LRRC53: variants seen among roughly 807,000 people sequenced by gnomAD.
LRRC53 encodes the protein leucine-rich repeat-containing protein 53.
A neutral mutation model predicts 13.6 loss-of-function variants in LRRC53; 25 were observed. The ratio of observed to expected loss-of-function variants is 1.83; its 90% CI spans 1.34 to 2.56. The LOEUF (loss-of-function observed/expected upper bound fraction) is 2.56. LRRC53 is among the 30% of genes most tolerant of loss of function. LRRC53 has a pLI of 0.00. For missense variants in LRRC53, 527 were observed against 275.8 expected (o/e 1.91, Z -6.45); for synonymous variants, 204 against 109.8 (o/e 1.86, Z -5.37).
chr1:74,487,958 G>C (rs1047068938), intron 1 of LRRC53, among the ~76,000 whole-genome samples: 1 of 152,084 alleles, frequency 6.6e-6, no homozygotes, highest in Non-Finnish European at 1.5e-5. Context: ...TCATGACAGG[G>C]TCTAGGGTAT....
intron 3 of LRRC53, among the ~76,000 whole-genome samples, chr1:74,477,960 A>G (rs1317285846): frequency 6.6e-6 from 1 of 152,224 alleles, no homozygotes; most frequent in Non-Finnish European, 1.5e-5. Flanking sequence ...ACCAGTTCAT[A>G]GTGTAAGTGT....
chr1:74,479,595 T>G (rs1042894828), intron 3 of LRRC53, among the ~76,000 whole-genome samples: 5 of 152,202 alleles, frequency 3.3e-5, no homozygotes, highest in Non-Finnish European at 7.3e-5. Flanking sequence ...AGAGCTCATT[T>G]ATTTAACTAC....
chr1:74,534,563 C>T, the LRRC53 span, among the ~76,000 whole-genome samples: 1 of 152,152 alleles, frequency 6.6e-6, no homozygotes, highest in African/African-American at 2.4e-5. Context: ...TGCCTGGTCC[C>T]ACCACACTAG....
rs1557591250 is a variant in LRRC53 at position 74,475,601 on chromosome 1, A to G, written c.1114T>C (p.Ser372Pro). The change falls in exon 4 of 5, where the codon TCC (serine) becomes CCC (proline). Residue 372 changes from serine to proline, a missense_variant. Transcript: ENST00000294635. ...NEIKVMSTVG[S>P]RKEMPLLQEN... ...TGTAAAAGTGGCATTTCTTTTCTGGACCCCACAGTGGACATGACCTTTATC... is the reference window on the plus strand; with the variant it reads ...TGTAAAAGTGGCATTTCTTTTCTGGGCCCCACAGTGGACATGACCTTTATC... 1.4e-6 allele frequency: 1 copy of G among 717,074 alleles called. No individual in the cohort carries two copies. The highest frequency in any genetic ancestry group is 2.6e-6 in the Non-Finnish European group (1 of 384,926). The allele number at this position is 717,074 out of a possible 1,614,324, so 44.4% of individuals were successfully genotyped here. A position where few individuals can be genotyped will look rare whatever the true frequency, so the allele number is the denominator to read the frequency against.
intron 1 of LRRC53, among the ~76,000 whole-genome samples, chr1:74,491,009 G>A (rs1056687038): frequency 6.6e-6 from 1 of 152,174 alleles, no homozygotes; most frequent in Admixed American, 6.5e-5. Flanking sequence ...CAAAATAAAA[G>A]ATATGATTAG....
rs117068024 is a variant in LRRC53 at position 74,504,886 on chromosome 1, G to A, written c.-27+7640C>T. On this transcript the variant is annotated intron_variant, in intron 1 of 4. Transcript: ENST00000294635. ...CCAGAGTGCATTTCCCTCTTCAAGC[G>A]TTTTGTAATACTAATTAACTAATTC... Among the ~76,000 whole-genome samples, 33 of 152,236 alleles carry A rather than the reference G, an allele frequency of 2.2e-4. No individual in the cohort carries two copies. The East Asian group carries it at 6.2e-3, about 29-fold the overall frequency.
chr1:74,484,310 A>T (rs1668646576), intron 1 of LRRC53, among the ~76,000 whole-genome samples: 1 of 152,096 alleles, frequency 6.6e-6, no homozygotes, highest in South Asian at 2.1e-4. Context: ...ACATAAAATG[A>T]TTAATTCTAT....
the LRRC53 span, among the ~76,000 whole-genome samples, chr1:74,536,573 A>G: frequency 6.6e-6 from 1 of 152,178 alleles, no homozygotes; most frequent in Non-Finnish European, 1.5e-5. Context: ...TAGCACTAAA[A>G]TAATATATAC....
chr1:74,501,515 C>T (rs1427120419), intron 1 of LRRC53, among the ~76,000 whole-genome samples: 4 of 127,990 alleles, frequency 3.1e-5, no homozygotes, highest in African/African-American at 1.1e-4. Context: ...TTTTTTGAGA[C>T]TGGCTCTGTC....
intron 1 of LRRC53, among the ~76,000 whole-genome samples, chr1:74,484,422 T>C (rs911032779): frequency 6.6e-6 from 1 of 152,170 alleles, no homozygotes; most frequent in Non-Finnish European, 1.5e-5. Flanking sequence ...CCTTGTGAAG[T>C]GTACTTTCTA....
chr1:74,494,655 G>T (rs144979146), intron 1 of LRRC53, among the ~76,000 whole-genome samples: 9 of 152,330 alleles, frequency 5.9e-5, no homozygotes, highest in Non-Finnish European at 2.9e-5. Flanking sequence ...GTCCACTTGA[G>T]ACAGAGGTTA....
At chr1:74,520,209 T>C in the LRRC53 span, among the ~76,000 whole-genome samples, 1 of 152,058 alleles carries the variant, frequency 6.6e-6, no homozygotes, top group East Asian at 1.9e-4. Flanking sequence ...TGCATGTGCA[T>C]CCTCATATAC....
chr1:74,502,990 C>G (rs1570711073), intron 1 of LRRC53, among the ~76,000 whole-genome samples: 1 of 152,350 alleles, frequency 6.6e-6, no homozygotes. Context: ...CACTTGTGGA[C>G]TAGCTTTGAG....
the LRRC53 span, among the ~76,000 whole-genome samples, chr1:74,528,604 T>C: frequency 0.041 from 6,270 of 152,256 alleles, 410 homozygotes; most frequent in African/African-American, 0.14. Context: ...TGTCAGAGAA[T>C]GGTGTGAATA....
chr1:74,508,676 T>A (rs1169050743), intron 1 of LRRC53, among the ~76,000 whole-genome samples: 1 of 152,068 alleles, frequency 6.6e-6, no homozygotes, highest in Non-Finnish European at 1.5e-5. Flanking sequence ...AAGCTATAGG[T>A]CAGAGCCCAA....
At chr1:74,480,995 T>C (rs1478157295) in intron 2 of LRRC53, 27 bp from the exon 3 acceptor site, 4 of 689,734 alleles carry the variant, frequency 5.8e-6, no homozygotes, top group Non-Finnish European at 1.1e-5. Flanking sequence ...ACAGACTAGA[T>C]GCAGGGTACA....
chr1:74,498,524 GT>G (rs1228831703), intron 1 of LRRC53, among the ~76,000 whole-genome samples: 3 of 151,978 alleles, frequency 2.0e-5, no homozygotes. Flanking sequence ...TTAATTGCAT[GT>G]GGTGAATATT....
chr1:74,489,243 AT>A (rs1557601602), intron 1 of LRRC53: 3 of 1,611,312 alleles, frequency 1.9e-6, no homozygotes, highest in Non-Finnish European at 2.5e-6. Flanking sequence ...TCTCTGCAAC[AT>A]TGAGGTAAAA....
the LRRC53 span, among the ~76,000 whole-genome samples, chr1:74,526,323 C>G: frequency 6.6e-6 from 1 of 152,044 alleles, no homozygotes; most frequent in Admixed American, 6.6e-5. Flanking sequence ...CTGTGGGCTC[C>G]AATCTAGTTG....
Sources: gnomAD v4.1 joint callset for allele counts (sites outside exome capture counted in the v4.1 genomes callset) on GRCh38, gnomAD v4.1.1 for gene constraint, MANE v1.5 for transcripts, NCBI Gene and HGNC (gene_info 2026-07-23, HGNC 2026-07-21) for gene names.